Variants in SGK3 observed in about 807,000 individuals in gnomAD.
The protein encoded by SGK3 is serum/glucocorticoid regulated kinase family member 3, also known as serine/threonine-protein kinase Sgk3.
A neutral mutation model predicts 68.5 loss-of-function variants in SGK3; 47 were observed. That is an observed-to-expected ratio of 0.69 (90% confidence interval 0.54 to 0.87). The LOEUF (loss-of-function observed/expected upper bound fraction) is 0.87, where lower values mean the gene tolerates loss of function less well. SGK3 is among the 40% of genes least tolerant of loss of function. The probability of loss-of-function intolerance (pLI) is 0.00; values close to 1 mark genes in which losing one functional copy is unlikely to be tolerated. For missense variants in SGK3, 479 were observed against 575.5 expected (o/e 0.83, Z 1.72); for synonymous variants, 181 against 189.1 (o/e 0.96, Z 0.35).
chr8:66,802,681 AAGAG>A (rs1364838530), intron 3 of SGK3, among the ~76,000 whole-genome samples: 1 of 149,606 alleles, frequency 6.7e-6, no homozygotes, highest in African/African-American at 2.4e-5. Flanking sequence ...AAAAGAAAGA[AAGAG>A]AGAGGGAGAA....
At chr8:66,818,737 CT>C (rs1166227033) in intron 5 of SGK3, among the ~76,000 whole-genome samples, 1 of 152,234 alleles carries the variant, frequency 6.6e-6, no homozygotes, top group African/African-American at 2.4e-5. Flanking sequence ...GTCTCATTAA[CT>C]ATAGTTTGCT....
chr8:66,808,917 T>G (rs1391027440), intron 4 of SGK3, among the ~76,000 whole-genome samples: 2 of 152,134 alleles, frequency 1.3e-5, no homozygotes, highest in Non-Finnish European at 2.9e-5. Flanking sequence ...TTGCTCAGGC[T>G]GGAGTGCAGT....
chr8:66,755,827 TAA>T, intron 1 of SGK3, among the ~76,000 whole-genome samples: 1 of 152,290 alleles, frequency 6.6e-6, no homozygotes, highest in African/African-American at 2.4e-5. Flanking sequence ...ATTAACAGGG[TAA>T]GTGTAGGCTC....
chr8:66,853,981 G>A (rs190178450), intron 16 of SGK3, among the ~76,000 whole-genome samples: 39 of 152,232 alleles, frequency 2.6e-4, no homozygotes, highest in Non-Finnish European at 1.6e-4. Flanking sequence ...AAAATAAGCC[G>A]TATTTAGGTA....
At chr8:66,802,126 A>G (rs1051436306) in intron 3 of SGK3, among the ~76,000 whole-genome samples, 1 of 151,426 alleles carries the variant, frequency 6.6e-6, no homozygotes, top group Non-Finnish European at 1.5e-5. Context: ...ATCACTTTCT[A>G]TGTCTCTCTC....
At chr8:66,745,372 C>T (rs562264233) in intron 1 of SGK3, among the ~76,000 whole-genome samples, 30 of 152,084 alleles carry the variant, frequency 2.0e-4, no homozygotes, top group African/African-American at 6.7e-4. Flanking sequence ...GAGATCGAGA[C>T]CATCCTGGCT....
At chr8:66,736,657 T>C (rs974989273) in intron 1 of SGK3, among the ~76,000 whole-genome samples, 2 of 151,630 alleles carry the variant, frequency 1.3e-5, no homozygotes, top group Non-Finnish European at 2.9e-5. Context: ...TTCACTCTTA[T>C]TGCCAAGGCT....
Position 66,860,054 on chromosome 8 carries a change from A to T in SGK3, c.*473A>T, listed in dbSNP as rs1489741182. 1 of 152,990 alleles carries T rather than the reference A, an allele frequency of 6.5e-6. No homozygotes were observed. The highest frequency in any genetic ancestry group is 2.4e-5 in the African/African-American group (1 of 41,482). 9.5% of individuals were successfully genotyped at this position (152,990 alleles called of 1,614,324 possible). On this transcript the variant is annotated 3_prime_UTR_variant, in exon 17 of 17. Coordinates refer to ENST00000521198, the MANE Select transcript of SGK3 (RefSeq NM_001033578.3). ...GAAGAAACCGTATTTTTCCATGATA[A>T]ATCACTGTTTGAAATATTTGGTTCA...
chr8:66,743,375 T>C (rs1805536578), intron 1 of SGK3, among the ~76,000 whole-genome samples: 1 of 152,238 alleles, frequency 6.6e-6, no homozygotes. Context: ...AAAGTACCAG[T>C]CCATATCCTA....
At chr8:66,806,359 G>A (rs1237339207) in intron 4 of SGK3, among the ~76,000 whole-genome samples, 3 of 152,034 alleles carry the variant, frequency 2.0e-5, no homozygotes, top group African/African-American at 7.2e-5. Flanking sequence ...TTTAAAACTG[G>A]CAAATACTAG....
At chr8:66,814,069 C>T in intron 5 of SGK3, 141 bp downstream of exon 5, 1 of 546,666 alleles carries the variant, frequency 1.8e-6, no homozygotes, top group Non-Finnish European at 2.9e-6. Flanking sequence ...GCATTTTCTC[C>T]CTGATACTCT....
At chr8:66,755,088 G>A (rs977339579) in intron 1 of SGK3, among the ~76,000 whole-genome samples, 1 of 151,878 alleles carries the variant, frequency 6.6e-6, no homozygotes, top group African/African-American at 2.4e-5. Context: ...GTGAAACCTC[G>A]TCTCTACTAA....
At chr8:66,734,261 A>T in intron 1 of SGK3, among the ~76,000 whole-genome samples, 1 of 130,112 alleles carries the variant, frequency 7.7e-6, no homozygotes, top group African/African-American at 2.9e-5. Context: ...CCATTTTGAA[A>T]TGATGTATGG....
intron 4 of SGK3, among the ~76,000 whole-genome samples, chr8:66,805,494 T>A (rs182978853): frequency 3.1e-4 from 42 of 133,842 alleles, no homozygotes; most frequent in African/African-American, 1.2e-3. Context: ...CACTCCAGCC[T>A]GGGCGACAGA....
intron 6 of SGK3, among the ~76,000 whole-genome samples, chr8:66,826,949 A>G (rs931165683): frequency 6.6e-6 from 1 of 152,080 alleles, no homozygotes; most frequent in African/African-American, 2.4e-5. Context: ...CCGTTCAGAA[A>G]CTTCTTAAGA....
chr8:66,828,147 A>G (rs1024557052), intron 6 of SGK3, among the ~76,000 whole-genome samples: 4 of 151,942 alleles, frequency 2.6e-5, no homozygotes, highest in Non-Finnish European at 5.9e-5. Context: ...AGAAAGAAAG[A>G]AAAGAAAAAC....
In SGK3 at chr8:66,804,368, A is replaced by T; in HGVS notation, c.181-7A>T. ...AGTTCATATAATGTTATTTTTAAAA[A>T]TTTTAGTTAAAAAAACAGTTTCCTG... On this transcript the variant is annotated splice_polypyrimidine_tract_variant and splice_region_variant and intron_variant, in intron 3 of 16. Transcript: ENST00000521198. The T allele has an allele frequency of 6.2e-7, 1 of 1,604,524 alleles. No homozygotes were observed. Among genetic ancestry groups the T allele is most frequent in the Non-Finnish European group, 8.5e-7 (1 of 1,177,284 alleles).
At chr8:66,742,249 AT>A (rs1007888179) in intron 1 of SGK3, among the ~76,000 whole-genome samples, 16 of 152,008 alleles carry the variant, frequency 1.1e-4, no homozygotes, top group East Asian at 5.8e-4. Flanking sequence ...TGTTCAAATC[AT>A]TTTTTTTATG....
At chr8:66,728,947 G>T (rs575430576) in intron 1 of SGK3, among the ~76,000 whole-genome samples, 1 of 151,872 alleles carries the variant, frequency 6.6e-6, no homozygotes, top group South Asian at 2.1e-4. Context: ...GACTGGGCAC[G>T]GGTGGCTCAT....
Sources: allele counts gnomAD v4.1 joint callset (sites outside exome capture counted in the v4.1 genomes callset), GRCh38; gene constraint gnomAD v4.1.1; transcripts MANE v1.5; gene names NCBI Gene and HGNC (gene_info 2026-07-23, HGNC 2026-07-21).